The following GPR20 variants were observed in gnomAD, a reference collection of about 807,000 sequenced individuals.
GPR20 encodes the protein CTD-3064M3.3.
For synonymous variants in GPR20, 241 were observed against 241.9 expected (o/e 1.00, Z 0.04); for missense variants, 494 against 527.4 (o/e 0.94, Z 0.62).
At chr8:141,362,902 C>T (rs1003402010) in intron 1 of GPR20, among the ~76,000 whole-genome samples, 5 of 152,092 alleles carry the variant, frequency 3.3e-5, no homozygotes, top group Non-Finnish European at 5.9e-5. Flanking sequence ...TACAGGTGCC[C>T]GTGCCACACC....
Position 141,357,309 on chromosome 8 carries a change from G to A in GPR20, c.615C>T (p.Phe205=), listed in dbSNP as rs759008027. Residue 205 remains phenylalanine (F), a synonymous_variant, in exon 2 of 2, where the codon TTC becomes TTT. Coordinates refer to ENST00000377741, the MANE Select transcript of GPR20 (RefSeq NM_005293.3). The stretch of plus-strand genomic sequence containing the variant: ...CGCTGATGACCAGCAGGGGCAGCAG[G>A]AACTCCAGGACAGTCAGCGCAAAGA... ...CRVFALTVLE[F]LLPLLVISVF... 6.5e-7 allele frequency: 1 copy of A among 1,543,114 alleles called. No homozygotes were observed. The highest frequency in any genetic ancestry group is 8.7e-7 in the Non-Finnish European group (1 of 1,149,212).
chr8:141,365,857 C>A (rs1831806944), intron 1 of GPR20, among the ~76,000 whole-genome samples: 1 of 152,200 alleles, frequency 6.6e-6, no homozygotes, highest in Non-Finnish European at 1.5e-5. Context: ...ACGCCTGCAC[C>A]GCCTGGCTTC....
At position 141,357,734 on chromosome 8, in the gene GPR20, A is replaced by G; in HGVS notation, c.190T>C (p.Phe64Leu). 1 of 1,613,252 alleles carries G rather than the reference A, an allele frequency of 6.2e-7. No homozygotes were observed. Among genetic ancestry groups the G allele is most frequent in the South Asian group, 1.1e-5 (1 of 91,072 alleles). Reference sequence around the variant, plus strand: ...CCGTTGAGCACCAGCCCTGCCAGGAAGATGGCTCCGTGCACCGCCATCAGC... The same window carrying G: ...CCGTTGAGCACCAGCCCTGCCAGGAGGATGGCTCCGTGCACCGCCATCAGC... The part of the protein sequence containing the change: ...LALMAVHGAI[F>L]LAGLVLNGLA... The change falls in exon 2 of 2, where the codon TTC becomes CTC. Residue 64 changes from phenylalanine (F) to leucine (L), a missense_variant. By Grantham distance (22) the Phe-to-Leu change is conservative (BLOSUM62 0). Transcript: ENST00000377741.
chr8:141,356,744 A>T lies in GPR20; in HGVS notation c.*103T>A. The T allele has an allele frequency of 1.3e-6, 1 of 764,542 alleles. No homozygotes were observed. The highest frequency in any genetic ancestry group is 2.1e-6 in the Non-Finnish European group (1 of 474,752). 47.4% of individuals were successfully genotyped at this position (764,542 alleles called of 1,614,324 possible). Reference sequence around the variant, plus strand: ...TGCGGTGCTCTGGGTAGCCATCACCAATCAATCGAGATGGAACCGATTGCC... The same window carrying T: ...TGCGGTGCTCTGGGTAGCCATCACCTATCAATCGAGATGGAACCGATTGCC... On this transcript the variant is annotated 3_prime_UTR_variant, in exon 2 of 2. Coordinates refer to ENST00000377741, the MANE Select transcript of GPR20 (RefSeq NM_005293.3).
chr8:141,365,077 C>T (rs7460462), intron 1 of GPR20, among the ~76,000 whole-genome samples: 17,665 of 152,178 alleles, frequency 0.12, 2,134 homozygotes, highest in African/African-American at 0.31. Flanking sequence ...TCCTTCTGCC[C>T]GGAATGCTGT....
At chr8:141,363,497 T>C (rs796861943) in intron 1 of GPR20, among the ~76,000 whole-genome samples, 2 of 152,308 alleles carry the variant, frequency 1.3e-5, no homozygotes, top group African/African-American at 4.8e-5. Context: ...GCTCCATCCA[T>C]CCCAATGGCC....
chr8:141,366,187 G>A (rs540936465), intron 1 of GPR20, among the ~76,000 whole-genome samples: 4 of 152,338 alleles, frequency 2.6e-5, no homozygotes, highest in East Asian at 3.9e-4. Flanking sequence ...CGCAGACCCC[G>A]CCTTTGCTGA....
At chr8:141,365,325 T>C (rs1349664805) in intron 1 of GPR20, among the ~76,000 whole-genome samples, 1 of 152,154 alleles carries the variant, frequency 6.6e-6, no homozygotes, top group Admixed American at 6.5e-5. Flanking sequence ...GGGGAACCAA[T>C]ACAGAGGGGC....
In GPR20 at chr8:141,357,363, G is replaced by A. The variant is rs35659383; in HGVS notation, c.561C>T (p.Gly187=). The A allele has an allele frequency of 2.1e-4, 321 of 1,559,540 alleles. No homozygotes were observed. In the African/African-American group the frequency reaches 3.7e-3, roughly 18 times the overall value. The change falls in exon 2 of 2, where the codon GGC becomes GGT. Residue 187 remains glycine, a synonymous_variant. Coordinates refer to ENST00000377741, the MANE Select transcript of GPR20 (RefSeq NM_005293.3). ...AAGAVTLSVL[G]VTGSRPCCRV... is the part of the protein sequence containing the mutation. ...GGCAGCAGGGCCGGCTGCCTGTCACGCCCAGCACCGACAGGGTGACGGCAC... is the reference window on the plus strand; with the variant it reads ...GGCAGCAGGGCCGGCTGCCTGTCACACCCAGCACCGACAGGGTGACGGCAC...
At chr8:141,367,154 G>C (rs889698109) in intron 1 of GPR20, 47 bp downstream of exon 1, 5 of 152,264 alleles carry the variant, frequency 3.3e-5, no homozygotes, top group Non-Finnish European at 7.3e-5. Context: ...TCCTATCTAG[G>C]GAAGCTGGGG....
rs370930319 is a variant in GPR20, at chr8:141,357,542, G to T, written c.382C>A (p.Leu128Ile). ...CAGTGCATGTTGAGGAAGTAACCGA[G>T]GACGTGCGGGAAGGCACAGCGCAGG... is the stretch of plus-strand genomic sequence containing the variant. ...GCLRCAFPHV[L>I]GYFLNMHCSI... Residue 128 changes from leucine (L) to isoleucine (I), a missense_variant, in exon 2 of 2, where the codon CTC (leucine) becomes ATC (isoleucine). Transcript: ENST00000377741. 1 of 1,613,838 alleles carries T rather than the reference G, an allele frequency of 6.2e-7. No homozygotes were observed. The highest frequency in any genetic ancestry group is 1.3e-5 in the African/African-American group (1 of 75,074).
chr8:141,357,949 T>G lies in GPR20; in HGVS notation c.-24-2A>C. On this transcript the variant is annotated splice_acceptor_variant, in intron 1 of 1. Coordinates refer to ENST00000377741, the MANE Select transcript of GPR20 (RefSeq NM_005293.3). LOFTEE classifies it low-confidence loss of function (5UTR_SPLICE). ...GACGGCAGCCAGCACACCCCAGGCCTGGAAGCAAGGAGACCAGGTCACCCC... is the reference window on the plus strand; with the variant it reads ...GACGGCAGCCAGCACACCCCAGGCCGGGAAGCAAGGAGACCAGGTCACCCC... 7.1e-7 allele frequency: 1 copy of G among 1,407,780 alleles called. No individual in the cohort carries two copies. Among genetic ancestry groups the G allele is most frequent in the Non-Finnish European group, 9.7e-7 (1 of 1,034,816 alleles). 87.2% of individuals were successfully genotyped at this position (1,407,780 alleles called of 1,614,324 possible).
chr8:141,359,530 C>T (rs1490769794), intron 1 of GPR20, among the ~76,000 whole-genome samples: 2 of 152,236 alleles, frequency 1.3e-5, no homozygotes. Context: ...CTGCCACCCC[C>T]ACCACACAAG....
At chr8:141,362,784 CTT>C (rs111619817) in intron 1 of GPR20, among the ~76,000 whole-genome samples, 2 of 146,376 alleles carry the variant, frequency 1.4e-5, no homozygotes, top group African/African-American at 2.5e-5. Context: ...TTCTTTCTTT[CTT>C]TTTTTTTTTT....
rs568460155 is a variant in GPR20, at chr8:141,360,946, C to T, written c.-24-2999G>A. Among the ~76,000 whole-genome samples the T allele has an allele frequency of 5.5e-4, 84 of 152,324 alleles. 1 individual carries two copies. The South Asian group carries it at 0.016, about 30-fold the overall frequency. ...AGAGGCATGGTTTTACCCTCAGAGC[C>T]GGCCGGAGAGGGGAGGCAGGGCCCT... On this transcript the variant is annotated intron_variant, in intron 1 of 1. Coordinates refer to ENST00000377741, the MANE Select transcript of GPR20 (RefSeq NM_005293.3).
chr8:141,357,910 GAC>G lies in GPR20; in HGVS notation c.12_13del (p.Pro6SerfsTer313). On this transcript the variant is annotated frameshift_variant, in exon 2 of 2. Transcript: ENST00000377741. LOFTEE classifies it low-confidence loss of function (END_TRUNC). ...TGCCCCGGCCGAGGGCCCCGCTGGA[GAC>G]ACAGAGGGCATGACGGCAGCCAGCA... 6.4e-7 allele frequency: 1 copy of G among 1,560,924 alleles called. No individual in the cohort carries two copies.
intron 1 of GPR20, among the ~76,000 whole-genome samples, chr8:141,363,982 T>A (rs1327063728): frequency 1.3e-5 from 2 of 152,210 alleles, no homozygotes; most frequent in African/African-American, 4.8e-5. Context: ...GCGCTTTGCA[T>A]CCACACAGCA....
chr8:141,366,771 G>A (rs564624067), intron 1 of GPR20, among the ~76,000 whole-genome samples: 13 of 152,332 alleles, frequency 8.5e-5, no homozygotes, highest in African/African-American at 3.1e-4. Context: ...AGTGCCTCTG[G>A]GGTCCCCCAA....
Position 141,356,471 on chromosome 8 carries a change from T to G in GPR20, c.*376A>C. On this transcript the variant is annotated 3_prime_UTR_variant, in exon 2 of 2. Transcript: ENST00000377741. Reference sequence around the variant, plus strand: ...CCAGCACCTAAATAATCTTTGTCCTTTTTTCTTTTTTCTTTTTCATCTCAT... The same window carrying G: ...CCAGCACCTAAATAATCTTTGTCCTGTTTTCTTTTTTCTTTTTCATCTCAT... The G allele has an allele frequency of 4.2e-6, 1 of 237,858 alleles. No homozygotes were observed. 14.7% of individuals were successfully genotyped at this position (237,858 alleles called of 1,614,324 possible).
Sources: allele counts gnomAD v4.1 joint callset (sites outside exome capture counted in the v4.1 genomes callset), GRCh38; gene constraint gnomAD v4.1.1; transcripts MANE v1.5; gene names NCBI Gene and HGNC (gene_info 2026-07-23, HGNC 2026-07-21).